Variants in BAIAP2L1 observed in about 807,000 individuals in gnomAD.
The protein encoded by BAIAP2L1 is BAR/IMD domain containing adaptor protein 2 like 1.
In BAIAP2L1, 35 loss-of-function variants were observed where a neutral mutation model predicts 66.3. The observed-to-expected ratio is 0.53, with a 90% CI of 0.40 to 0.70. The LOEUF (loss-of-function observed/expected upper bound fraction) is 0.70. Among genes scored for constraint, BAIAP2L1 ranks in the 30% least tolerant of loss-of-function variants. The pLI is 0.00. For synonymous variants in BAIAP2L1, 269 were observed against 248.7 expected, an observed-to-expected ratio of 1.08 and a Z score of -0.77; for missense variants, 622 against 656.9, an observed-to-expected ratio of 0.95 and a Z score of 0.58.
At chr7:98,373,118 T>A (rs1163928280) in intron 1 of BAIAP2L1, among the ~76,000 whole-genome samples, 3 of 152,170 alleles carry the variant, frequency 2.0e-5, no homozygotes, top group African/African-American at 7.2e-5. Context: ...TGGACTAACA[T>A]CACCAATACT....
chr7:98,378,995 A>G (rs558230511), intron 1 of BAIAP2L1, among the ~76,000 whole-genome samples: 1 of 152,122 alleles, frequency 6.6e-6, no homozygotes, highest in African/African-American at 2.4e-5. Context: ...GCGCCTGGCT[A>G]ATTTTTTGTA....
intron 12 of BAIAP2L1, among the ~76,000 whole-genome samples, chr7:98,302,024 G>A (rs1177522681): frequency 1.1e-4 from 17 of 152,126 alleles, no homozygotes; most frequent in Admixed American, 9.2e-4. Context: ...GGTAAGAGGC[G>A]TGCACCGTGC....
chr7:98,314,520 CAAAG>C, intron 7 of BAIAP2L1, among the ~76,000 whole-genome samples: 1 of 148,430 alleles, frequency 6.7e-6, no homozygotes, highest in South Asian at 2.2e-4. Context: ...TAATTTAAAA[CAAAG>C]GAAAGGAAAT....
chr7:98,386,036 C>T, intron 1 of BAIAP2L1: 2 of 1,414,174 alleles, frequency 1.4e-6, no homozygotes, highest in Non-Finnish European at 2.0e-6. Context: ...AATTTATTGA[C>T]CACTTCTTTC....
intron 1 of BAIAP2L1, among the ~76,000 whole-genome samples, chr7:98,380,951 C>CCACAG (rs1477600859): frequency 1.3e-5 from 2 of 152,082 alleles, no homozygotes; most frequent in Non-Finnish European, 2.9e-5. Context: ...ACTAGCCTGC[C>CCACAG]CACAGCACAG....
chr7:98,363,027 CTTTTTTT>C (rs71537235), intron 1 of BAIAP2L1, among the ~76,000 whole-genome samples: 3,450 of 75,758 alleles, frequency 0.046, 146 homozygotes, highest in African/African-American at 0.12. Context: ...GGCATTTTTT[CTTTTTTT>C]TTTTTTTTTT....
chr7:98,376,308 GCCTGGGCAACATAGTGAGAC>G (rs1802627278), intron 1 of BAIAP2L1, among the ~76,000 whole-genome samples: 1 of 151,410 alleles, frequency 6.6e-6, no homozygotes, highest in African/African-American at 2.4e-5. Context: ...GTTGAGAACA[GCCTGGGCAACATAGTGAGAC>G]CCCGTCTCTA....
intron 3 of BAIAP2L1, among the ~76,000 whole-genome samples, chr7:98,350,520 G>T (rs1278545375): frequency 6.6e-6 from 1 of 152,046 alleles, no homozygotes; most frequent in African/African-American, 2.4e-5. Flanking sequence ...TTAGCTGGGC[G>T]TGGTGGTGTG....
intron 9 of BAIAP2L1, chr7:98,310,033 T>C (rs1020885509): frequency 6.2e-6 from 1 of 160,874 alleles, no homozygotes; most frequent in Non-Finnish European, 1.4e-5. Flanking sequence ...GTATTTTTAG[T>C]AGCGATGGGG....
At chr7:98,315,664 A>G (rs1801053330) in intron 6 of BAIAP2L1, 52 bp from the exon 7 acceptor site, 1 of 953,342 alleles carries the variant, frequency 1.0e-6, no homozygotes, top group Admixed American at 4.3e-5. Flanking sequence ...TGACATGAGC[A>G]TCAGATAGCG....
chr7:98,293,468 A>ATCAT lies in BAIAP2L1; in HGVS notation c.*49_*52dup. On this transcript the variant is annotated 3_prime_UTR_variant, in exon 14 of 14. Coordinates refer to ENST00000005260, the MANE Select transcript of BAIAP2L1 (RefSeq NM_018842.5). ...AGCACGTGGCAGACAGGATGCGCCC[A>ATCAT]TCATTCCGCAAGGGAGAACCGGAGA... 1.3e-6 allele frequency: 2 copies of ATCAT among 1,540,234 alleles called. No homozygotes were observed. Among genetic ancestry groups the ATCAT allele is most frequent in the East Asian group, 4.5e-5 (2 of 44,462 alleles).
chr7:98,305,586 A>G (rs902946709), intron 11 of BAIAP2L1, among the ~76,000 whole-genome samples: 1 of 152,016 alleles, frequency 6.6e-6, no homozygotes, highest in African/African-American at 2.4e-5. Flanking sequence ...TGCCCTGGCT[A>G]ATTGTTTATT....
intron 3 of BAIAP2L1, among the ~76,000 whole-genome samples, chr7:98,335,756 G>C (rs372697364): frequency 6.6e-6 from 1 of 152,046 alleles, no homozygotes; most frequent in Non-Finnish European, 1.5e-5. Context: ...ACTCCTCTCC[G>C]GCAGATGCCC....
chr7:98,308,143 C>T (rs923674700), intron 9 of BAIAP2L1: 4 of 633,258 alleles, frequency 6.3e-6, no homozygotes, highest in Non-Finnish European at 1.2e-5. Flanking sequence ...CGGCTGCGGG[C>T]TCTTTTCCAG....
chr7:98,363,080 G>C (rs1288922527), intron 1 of BAIAP2L1, among the ~76,000 whole-genome samples: 1 of 140,760 alleles, frequency 7.1e-6, no homozygotes, highest in Non-Finnish European at 1.5e-5. Context: ...TGTCATCCAG[G>C]CTGGAGTACA....
At chr7:98,351,038 T>C (rs981402072) in intron 3 of BAIAP2L1, among the ~76,000 whole-genome samples, 1 of 152,066 alleles carries the variant, frequency 6.6e-6, no homozygotes, top group African/African-American at 2.4e-5. Context: ...TTGGTATTTT[T>C]TTTAGTACAG....
At chr7:98,399,590 A>G (rs1014855054) in intron 1 of BAIAP2L1, among the ~76,000 whole-genome samples, 5 of 152,252 alleles carry the variant, frequency 3.3e-5, no homozygotes, top group African/African-American at 9.6e-5. Context: ...ATGCCTATAC[A>G]TGAACTTAGA....
intron 12 of BAIAP2L1, among the ~76,000 whole-genome samples, chr7:98,296,090 T>A (rs1800178204): frequency 6.6e-6 from 1 of 151,834 alleles, no homozygotes; most frequent in Non-Finnish European, 1.5e-5. Flanking sequence ...AGAACCAGCT[T>A]CTGTGCAGAC....
intron 7 of BAIAP2L1, among the ~76,000 whole-genome samples, chr7:98,313,368 A>ATTCTT (rs1800948891): frequency 6.6e-6 from 1 of 152,076 alleles, no homozygotes; most frequent in Non-Finnish European, 1.5e-5. Flanking sequence ...AAGTCTAAGA[A>ATTCTT]AGACTCTGCT....
Sources: gnomAD v4.1 joint callset for allele counts (sites outside exome capture counted in the v4.1 genomes callset) on GRCh38, gnomAD v4.1.1 for gene constraint, MANE v1.5 for transcripts, NCBI Gene and HGNC (gene_info 2026-07-23, HGNC 2026-07-21) for gene names.